Variants in P3H2 observed in about 807,000 individuals in gnomAD.
P3H2 encodes the protein prolyl 3-hydroxylase 2, also known as leprecan-like 1.
Under a neutral mutation model 87.0 loss-of-function variants are expected in P3H2, and 80 were observed. That is an observed-to-expected ratio of 0.92 (90% CI 0.77 to 1.11). The LOEUF (loss-of-function observed/expected upper bound fraction) is 1.11. Among genes scored for constraint, P3H2 ranks in the 50% least tolerant of loss-of-function variants. The pLI is 0.00. For synonymous variants in P3H2, 367 were observed against 359.3 expected, an observed-to-expected ratio of 1.02 and a Z score of -0.24; for missense variants, 1,001 against 923.9, an observed-to-expected ratio of 1.08 and a Z score of -1.08.
Position 189,983,150 on chromosome 3 carries a change from C to A in P3H2, c.1230-10G>T, listed in dbSNP as rs1478833943. Reference sequence around the variant, plus strand: ...CACTCCTGAAGGGACCCTGCCCATTCAAAAAATTTAAAATGGCAATTTGTC... The same window carrying A: ...CACTCCTGAAGGGACCCTGCCCATTAAAAAAATTTAAAATGGCAATTTGTC... On this transcript the variant is annotated splice_polypyrimidine_tract_variant and intron_variant, in intron 7 of 14. Transcript: ENST00000319332. The A allele has an allele frequency of 6.2e-7, 1 of 1,608,640 alleles. No individual in the cohort carries two copies. Among genetic ancestry groups the A allele is most frequent in the Non-Finnish European group, 8.5e-7 (1 of 1,175,604 alleles).
At chr3:190,036,608 G>A (rs571923212) in intron 1 of P3H2, among the ~76,000 whole-genome samples, 19 of 152,308 alleles carry the variant, frequency 1.2e-4, no homozygotes, top group Non-Finnish European at 2.5e-4. Flanking sequence ...TGGCAAGACA[G>A]AAATTAAAAC....
At chr3:189,973,409 C>T (rs7636690) in intron 10 of P3H2, among the ~76,000 whole-genome samples, 2,990 of 150,966 alleles carry the variant, frequency 0.02, 94 homozygotes, top group African/African-American at 0.069. Flanking sequence ...GATGGCTGAA[C>T]GGAGGAATGA....
chr3:190,048,179 T>C (rs1420743474), intron 1 of P3H2, among the ~76,000 whole-genome samples: 8 of 152,172 alleles, frequency 5.3e-5, no homozygotes, highest in Admixed American at 3.3e-4. Context: ...AGATTTTATT[T>C]TAAAAATGGC....
At chr3:190,084,086 TG>T (rs1727136992) in intron 1 of P3H2, among the ~76,000 whole-genome samples, 1 of 152,210 alleles carries the variant, frequency 6.6e-6, no homozygotes, top group Admixed American at 6.5e-5. Flanking sequence ...ATTCCCTCAG[TG>T]ACTTAGCCAA....
intron 1 of P3H2, among the ~76,000 whole-genome samples, chr3:189,996,664 T>C (rs1354234882): frequency 6.6e-6 from 1 of 152,158 alleles, no homozygotes; most frequent in African/African-American, 2.4e-5. Flanking sequence ...GATTTGCTGA[T>C]TACCCTGATT....
At chr3:190,030,798 T>C (rs1382010639) in intron 1 of P3H2, among the ~76,000 whole-genome samples, 2 of 152,126 alleles carry the variant, frequency 1.3e-5, no homozygotes, top group Non-Finnish European at 2.9e-5. Context: ...AAAGAGATCT[T>C]AGACTACAAA....
chr3:189,971,058 G>C (rs544119201), intron 12 of P3H2, among the ~76,000 whole-genome samples, 167 bp from the exon 13 acceptor site: 1 of 152,318 alleles, frequency 6.6e-6, no homozygotes, highest in South Asian at 2.1e-4. Context: ...AGATCAGATA[G>C]AGTTTGAGTT....
At chr3:190,046,447 C>A (rs1467326392) in intron 1 of P3H2, among the ~76,000 whole-genome samples, 2 of 152,084 alleles carry the variant, frequency 1.3e-5, no homozygotes, top group Non-Finnish European at 2.9e-5. Context: ...TATAATGCTG[C>A]CAAATTCCAT....
chr3:190,097,173 T>A (rs1727613306), intron 1 of P3H2, among the ~76,000 whole-genome samples: 1 of 152,220 alleles, frequency 6.6e-6, no homozygotes, highest in Non-Finnish European at 1.5e-5. Flanking sequence ...GAGGTGATTA[T>A]CTTCCTTCTC....
chr3:190,066,483 G>A (rs1726509088), intron 1 of P3H2, among the ~76,000 whole-genome samples: 1 of 151,950 alleles, frequency 6.6e-6, no homozygotes, highest in Non-Finnish European at 1.5e-5. Flanking sequence ...CAGGGACTCA[G>A]GGGGTAAGGA....
intron 1 of P3H2, among the ~76,000 whole-genome samples, chr3:190,098,201 T>C (rs1404961603): frequency 6.6e-6 from 1 of 152,194 alleles, no homozygotes; most frequent in African/African-American, 2.4e-5. Context: ...CTTTCCTTAG[T>C]CCTTATTGCA....
chr3:190,010,461 T>A (rs1724550410), intron 1 of P3H2, among the ~76,000 whole-genome samples: 1 of 152,174 alleles, frequency 6.6e-6, no homozygotes, highest in Non-Finnish European at 1.5e-5. Context: ...TGGGCCCTAA[T>A]CCAATCTGGT....
At chr3:190,103,594 T>C (rs147472987) in intron 1 of P3H2, among the ~76,000 whole-genome samples, 1 of 152,098 alleles carries the variant, frequency 6.6e-6, no homozygotes, top group Non-Finnish European at 1.5e-5. Flanking sequence ...TCTACAGACA[T>C]ATAAACAAGT....
At chr3:190,100,102 T>C (rs905947910) in intron 1 of P3H2, among the ~76,000 whole-genome samples, 18 of 151,940 alleles carry the variant, frequency 1.2e-4, no homozygotes, top group African/African-American at 4.1e-4. Flanking sequence ...GGTGCAGTGG[T>C]GGGCACTTGT....
intron 1 of P3H2, among the ~76,000 whole-genome samples, chr3:190,119,229 C>T (rs1045705323): frequency 1.4e-5 from 2 of 141,048 alleles, no homozygotes; most frequent in African/African-American, 5.1e-5. Flanking sequence ...CAAAGCAGAG[C>T]ACAGCAGAGC....
intron 13 of P3H2, among the ~76,000 whole-genome samples, chr3:189,966,119 AAGAAAAAGAAAGAAAGAAAG>A (rs1463386664): frequency 2.7e-4 from 27 of 101,526 alleles, no homozygotes; most frequent in East Asian, 5.0e-4. Context: ...GAAAGAAAGA[AAGAAAAAGAAAGAAAGAAAG>A]AAAGAAAGAA....
At chr3:190,095,361 T>C (rs1301513041) in intron 1 of P3H2, among the ~76,000 whole-genome samples, 8 of 123,008 alleles carry the variant, frequency 6.5e-5, no homozygotes, top group African/African-American at 2.5e-4. Flanking sequence ...GATTATCACC[T>C]CAAAATGTTA....
intron 6 of P3H2, among the ~76,000 whole-genome samples, chr3:189,986,360 G>T (rs1444214501): frequency 6.6e-6 from 1 of 152,100 alleles, no homozygotes; most frequent in Non-Finnish European, 1.5e-5. Context: ...TGAGGCGGGC[G>T]GATCACCTGA....
chr3:190,012,251 C>T (rs751936212), intron 1 of P3H2, among the ~76,000 whole-genome samples: 8 of 108,504 alleles, frequency 7.4e-5, no homozygotes, highest in African/African-American at 1.9e-4. Flanking sequence ...TAGTGGGGGG[C>T]GGGGGACATA....
Sources: allele counts gnomAD v4.1 joint callset (sites outside exome capture counted in the v4.1 genomes callset), GRCh38; gene constraint gnomAD v4.1.1; transcripts MANE v1.5; gene names NCBI Gene and HGNC (gene_info 2026-07-23, HGNC 2026-07-21).